The following DNAJC5B variants were observed in gnomAD, a reference collection of about 807,000 sequenced individuals.
DNAJC5B encodes dnaJ homolog subfamily C member 5B.
Under a neutral mutation model 24.7 loss-of-function variants are expected in DNAJC5B, and 23 were observed. The ratio of observed to expected loss-of-function variants is 0.93; its 90% CI spans 0.67 to 1.32. The LOEUF is 1.32. Ranked by LOEUF, DNAJC5B falls within the 40% of genes most tolerant of loss-of-function variation. The pLI, the probability that DNAJC5B is intolerant of heterozygous loss-of-function variation, is 0.00. For missense variants in DNAJC5B, 238 were observed against 240.8 expected, an observed-to-expected ratio of 0.99 and a Z score of 0.08; for synonymous variants, 101 against 90.1, an observed-to-expected ratio of 1.12 and a Z score of -0.68.
intron 1 of DNAJC5B, among the ~76,000 whole-genome samples, chr8:66,033,629 A>G (rs1221042639): frequency 6.6e-6 from 1 of 152,198 alleles, no homozygotes; most frequent in Non-Finnish European, 1.5e-5. Flanking sequence ...TCACAGGAGC[A>G]GAGGGTGAAC....
intron 1 of DNAJC5B, among the ~76,000 whole-genome samples, chr8:66,039,078 T>A (rs969098249): frequency 1.3e-5 from 2 of 152,210 alleles, no homozygotes; most frequent in Admixed American, 1.3e-4. Flanking sequence ...ATTACCACAA[T>A]GTTTTTCTTT....
intron 3 of DNAJC5B, among the ~76,000 whole-genome samples, chr8:66,067,521 G>A (rs904223894): frequency 6.6e-6 from 1 of 152,260 alleles, no homozygotes; most frequent in Admixed American, 6.5e-5. Context: ...AATCTGGGAT[G>A]GCTCTCTGAC....
At chr8:66,080,110 A>C (rs1224854610) in intron 4 of DNAJC5B, among the ~76,000 whole-genome samples, 1 of 152,186 alleles carries the variant, frequency 6.6e-6, no homozygotes, top group Non-Finnish European at 1.5e-5. Context: ...TTAAGAATAA[A>C]AAAAGGAAGG....
chr8:66,021,152 T>C (rs1445654655), upstream of DNAJC5B, among the ~76,000 whole-genome samples: 1 of 152,164 alleles, frequency 6.6e-6, no homozygotes, highest in South Asian at 2.1e-4. Context: ...CTTCCCATAA[T>C]GTACATTATC....
In DNAJC5B at chr8:66,080,408, G is replaced by C. The variant is rs374416310; in HGVS notation, c.365G>C (p.Gly122Ala). ...TTTGTCATCGTTGGCCTCTTGACGG[G>C]CTGCTACTTTTGCTGCTGCCTGTGC... ...ALFVIVGLLT[G>A]CYFCCCLCCC... Residue 122 changes from glycine (G) to alanine (A), a missense_variant, in exon 5 of 6, where the codon GGC (glycine) becomes GCC (alanine). Physicochemically the swap from Gly to Ala is moderately conservative, Grantham distance 60. Transcript: ENST00000276570. 1 of 1,613,828 alleles carries C rather than the reference G, an allele frequency of 6.2e-7. No individual in the cohort carries two copies. Among genetic ancestry groups the C allele is most frequent in the Non-Finnish European group, 8.5e-7 (1 of 1,179,944 alleles).
chr8:66,090,041 T>A (rs1807812186), intron 5 of DNAJC5B, among the ~76,000 whole-genome samples: 1 of 152,268 alleles, frequency 6.6e-6, no homozygotes, highest in East Asian at 1.9e-4. Context: ...CTTATTTCCC[T>A]TACTTTCATA....
chr8:66,076,903 T>G, intron 4 of DNAJC5B, 30 bp downstream of exon 4: 1 of 1,609,672 alleles, frequency 6.2e-7, no homozygotes, highest in Non-Finnish European at 8.5e-7. Context: ...CTTCACAATC[T>G]CCTGTAAGAC....
chr8:66,022,994 A>G (rs1227595796), intron 1 of DNAJC5B, among the ~76,000 whole-genome samples: 1 of 152,204 alleles, frequency 6.6e-6, no homozygotes, highest in African/African-American at 2.4e-5. Flanking sequence ...CTCCATTTGC[A>G]TTTGTTGACT....
chr8:66,099,521 G>A (rs1246300830), intron 5 of DNAJC5B, among the ~76,000 whole-genome samples: 8 of 152,214 alleles, frequency 5.3e-5, no homozygotes, highest in Non-Finnish European at 2.9e-5. Context: ...CATAATGCCA[G>A]GGTGCATCTT....
intron 3 of DNAJC5B, among the ~76,000 whole-genome samples, chr8:66,065,155 G>A (rs1315744967): frequency 6.6e-6 from 1 of 152,204 alleles, no homozygotes; most frequent in Non-Finnish European, 1.5e-5. Context: ...CTGTACGAGG[G>A]AAAAGACCAA....
At chr8:66,078,495 G>A (rs1807520452) in intron 4 of DNAJC5B, among the ~76,000 whole-genome samples, 1 of 152,058 alleles carries the variant, frequency 6.6e-6, no homozygotes, top group Non-Finnish European at 1.5e-5. Flanking sequence ...TCCACAGAAG[G>A]CAAACAATCA....
At chr8:66,073,467 G>T (rs769118130) in intron 3 of DNAJC5B, among the ~76,000 whole-genome samples, 1 of 150,928 alleles carries the variant, frequency 6.6e-6, no homozygotes, top group Non-Finnish European at 1.5e-5. Context: ...AATAGGTTGT[G>T]TGAATGTGCA....
intron 3 of DNAJC5B, among the ~76,000 whole-genome samples, chr8:66,061,230 A>G (rs1284730622): frequency 6.6e-6 from 1 of 152,128 alleles, no homozygotes; most frequent in Non-Finnish European, 1.5e-5. Flanking sequence ...GTAGTATGCT[A>G]TGACTGAGCC....
chr8:66,073,509 A>G (rs897191214), intron 3 of DNAJC5B, among the ~76,000 whole-genome samples: 38 of 148,234 alleles, frequency 2.6e-4, no homozygotes, highest in Non-Finnish European at 3.7e-4. Flanking sequence ...GTGTGTGTGT[A>G]TGTGTGTGTG....
chr8:66,019,258 C>T (rs1586050416), upstream of DNAJC5B, among the ~76,000 whole-genome samples: 1 of 152,138 alleles, frequency 6.6e-6, no homozygotes, highest in African/African-American at 2.4e-5. Context: ...GCAAGGTGAC[C>T]TTTCAAGCAA....
chr8:66,030,980 T>C (rs539532371), intron 1 of DNAJC5B, among the ~76,000 whole-genome samples: 4 of 152,246 alleles, frequency 2.6e-5, no homozygotes, highest in Non-Finnish European at 5.9e-5. Context: ...TGGAATCTCA[T>C]AGTGATGGCT....
intron 2 of DNAJC5B, among the ~76,000 whole-genome samples, 176 bp downstream of exon 2, chr8:66,043,787 C>T (rs1452581717): frequency 6.6e-6 from 1 of 151,668 alleles, no homozygotes; most frequent in South Asian, 2.1e-4. Context: ...CTTCAGGTTG[C>T]CATTTATATA....
the DNAJC5B span, among the ~76,000 whole-genome samples, chr8:66,015,463 G>T: frequency 2.4e-4 from 37 of 152,212 alleles, no homozygotes; most frequent in Admixed American, 5.2e-4. Context: ...GCTGTGTTGG[G>T]GAGAGCGGCT....
At position 66,076,768 on chromosome 8, in the gene DNAJC5B, G is replaced by A; in HGVS notation, c.228G>A (p.Lys76=). The change falls in exon 4 of 6, where the codon AAG becomes AAA. Residue 76 remains lysine, a synonymous_variant. Coordinates refer to ENST00000276570, the MANE Select transcript of DNAJC5B (RefSeq NM_033105.6). ...NAHAILTDIS[K]RSIYDKYGSL... ...ACGCAATACTTACCGACATTTCAAAGAGAAGCATATACGACAAGTACGGAT... is the reference window on the plus strand; with the variant it reads ...ACGCAATACTTACCGACATTTCAAAAAGAAGCATATACGACAAGTACGGAT... 1 of 1,614,206 alleles carries A rather than the reference G, an allele frequency of 6.2e-7. No homozygotes were observed. The highest frequency in any genetic ancestry group is 1.1e-5 in the South Asian group (1 of 91,086).
Sources: gnomAD v4.1 joint callset for allele counts (sites outside exome capture counted in the v4.1 genomes callset) on GRCh38, gnomAD v4.1.1 for gene constraint, MANE v1.5 for transcripts, NCBI Gene and HGNC (gene_info 2026-07-23, HGNC 2026-07-21) for gene names.